The following PCGF5 variants were observed in gnomAD, a reference collection of about 807,000 sequenced individuals.
PCGF5 encodes polycomb group RING finger protein 5.
Under a neutral mutation model 44.3 loss-of-function variants are expected in PCGF5, and 9 were observed. The observed-to-expected ratio is 0.20, with a 90% CI of 0.12 to 0.35. The LOEUF is 0.35. Ranked by LOEUF, PCGF5 falls within the 10% of genes least tolerant of loss-of-function variation. The pLI is 1.00. For missense variants in PCGF5, 146 were observed against 305.3 expected, an observed-to-expected ratio of 0.48 and a Z score of 3.89; for synonymous variants, 95 against 102.5, an observed-to-expected ratio of 0.93 and a Z score of 0.44.
intron 1 of PCGF5, among the ~76,000 whole-genome samples, chr10:91,175,570 CT>C (rs1843691182): frequency 6.6e-6 from 1 of 152,088 alleles, no homozygotes; most frequent in South Asian, 2.1e-4. Flanking sequence ...TTGCAGTCAG[CT>C]TTTTGATGCT....
At chr10:91,194,768 C>A (rs1844097584) in intron 1 of PCGF5, among the ~76,000 whole-genome samples, 1 of 152,012 alleles carries the variant, frequency 6.6e-6, no homozygotes, top group African/African-American at 2.4e-5. Flanking sequence ...AGAAGAGGAT[C>A]AAGGTGGGGG....
intron 1 of PCGF5, among the ~76,000 whole-genome samples, chr10:91,185,163 C>T (rs576870827): frequency 6.6e-6 from 1 of 152,230 alleles, no homozygotes; most frequent in African/African-American, 2.4e-5. Flanking sequence ...TCTGGGAACT[C>T]TCTCCCAGGA....
At chr10:91,198,025 T>C (rs1844174518) in intron 1 of PCGF5, among the ~76,000 whole-genome samples, 1 of 152,212 alleles carries the variant, frequency 6.6e-6, no homozygotes, top group African/African-American at 2.4e-5. Flanking sequence ...AAAAAATACG[T>C]GCCCTCACAG....
At chr10:91,246,573 A>G (rs1845464112) in intron 3 of PCGF5, among the ~76,000 whole-genome samples, 1 of 152,176 alleles carries the variant, frequency 6.6e-6, no homozygotes, top group South Asian at 2.1e-4. Flanking sequence ...AAGATTGATT[A>G]TGAACATGTC....
At chr10:91,196,860 C>T (rs1012729320) in intron 1 of PCGF5, among the ~76,000 whole-genome samples, 4 of 152,126 alleles carry the variant, frequency 2.6e-5, no homozygotes, top group Admixed American at 2.0e-4. Context: ...CCAGTGAAAT[C>T]ACTTACTAGA....
chr10:91,187,775 T>C (rs1004895498), intron 1 of PCGF5, among the ~76,000 whole-genome samples: 7 of 152,162 alleles, frequency 4.6e-5, no homozygotes, highest in Non-Finnish European at 7.4e-5. Context: ...ACCTGAAAAA[T>C]GTCTGTGTAG....
At chr10:91,230,346 A>G (rs1487667926) in intron 2 of PCGF5, among the ~76,000 whole-genome samples, 1 of 152,200 alleles carries the variant, frequency 6.6e-6, no homozygotes, top group Non-Finnish European at 1.5e-5. Context: ...CAAGGGTTCA[A>G]TATAAGCATT....
At position 91,182,083 on chromosome 10, in the gene PCGF5, G is replaced by T. The variant is rs561240933; in HGVS notation, c.-184+19002G>T. Reference sequence around the variant, plus strand: ...GATTTTCTAGTTTATAAGCATAAAGGTGTTTATAATATTCGCTGATGGTTG... The same window carrying T: ...GATTTTCTAGTTTATAAGCATAAAGTTGTTTATAATATTCGCTGATGGTTG... On this transcript the variant is annotated intron_variant, in intron 1 of 9. Coordinates refer to the PCGF5 transcript ENST00000614189. Among the ~76,000 whole-genome samples the T allele has an allele frequency of 2.6e-5, 4 of 152,194 alleles. No homozygotes were observed. In the East Asian group the frequency reaches 7.7e-4, roughly 29 times the overall value.
intron 1 of PCGF5, among the ~76,000 whole-genome samples, chr10:91,182,626 T>G (rs894402399): frequency 1.3e-5 from 2 of 152,208 alleles, no homozygotes; most frequent in African/African-American, 4.8e-5. Flanking sequence ...TTCTTTTAGT[T>G]GTGATGTTAA....
chr10:91,158,157 A>G (rs1843342517), upstream of PCGF5, among the ~76,000 whole-genome samples: 1 of 152,218 alleles, frequency 6.6e-6, no homozygotes, highest in Non-Finnish European at 1.5e-5. Flanking sequence ...GTAACAATGA[A>G]AGTCAAGTAG....
chr10:91,197,096 G>T (rs748295805), intron 1 of PCGF5, among the ~76,000 whole-genome samples: 2 of 152,222 alleles, frequency 1.3e-5, no homozygotes, highest in Non-Finnish European at 2.9e-5. Context: ...GTCTAAAGCT[G>T]AGTGACAAAC....
chr10:91,170,115 G>T (rs867685812), intron 1 of PCGF5, among the ~76,000 whole-genome samples: 13 of 152,300 alleles, frequency 8.5e-5, no homozygotes, highest in African/African-American at 3.1e-4. Flanking sequence ...CTTCACCCGT[G>T]TCCCAAAAAT....
intron 3 of PCGF5, among the ~76,000 whole-genome samples, chr10:91,243,199 G>A (rs1447892514): frequency 6.6e-6 from 1 of 152,200 alleles, no homozygotes; most frequent in East Asian, 1.9e-4. Flanking sequence ...GACTAAGGAG[G>A]TTGTGGGGAG....
At chr10:91,165,703 A>G (rs1480615582) in intron 1 of PCGF5, among the ~76,000 whole-genome samples, 1 of 152,262 alleles carries the variant, frequency 6.6e-6, no homozygotes, top group Admixed American at 6.5e-5. Flanking sequence ...AGTACATAAA[A>G]GGAGTTATTT....
chr10:91,242,709 G>A (rs555457484), intron 3 of PCGF5, among the ~76,000 whole-genome samples: 53 of 151,914 alleles, frequency 3.5e-4, no homozygotes, highest in Non-Finnish European at 6.3e-4. Flanking sequence ...GTTTTATCTC[G>A]TTTGCTTTAT....
At chr10:91,175,457 A>C (rs957173136) in intron 1 of PCGF5, among the ~76,000 whole-genome samples, 1 of 152,156 alleles carries the variant, frequency 6.6e-6, no homozygotes, top group African/African-American at 2.4e-5. Context: ...GAGGTCCGAC[A>C]ATGAAAAAAA....
At chr10:91,161,300 CT>C (rs1189744835), upstream of PCGF5, among the ~76,000 whole-genome samples, 18 of 152,146 alleles carry the variant, frequency 1.2e-4, no homozygotes, top group Admixed American at 9.8e-4. Flanking sequence ...TTGCTATTGA[CT>C]CGCTTGGGAA....
chr10:91,200,481 G>A (rs1844231342), intron 1 of PCGF5, among the ~76,000 whole-genome samples: 1 of 152,204 alleles, frequency 6.6e-6, no homozygotes, highest in South Asian at 2.1e-4. Flanking sequence ...GATTTTATAA[G>A]CATTAATATC....
intron 1 of PCGF5, among the ~76,000 whole-genome samples, chr10:91,203,382 A>G (rs1001344124): frequency 6.6e-6 from 1 of 152,204 alleles, no homozygotes; most frequent in Non-Finnish European, 1.5e-5. Flanking sequence ...TCCAGATTCT[A>G]TGAAGTTAGA....
Sources: allele counts gnomAD v4.1 joint callset (sites outside exome capture counted in the v4.1 genomes callset), GRCh38; gene constraint gnomAD v4.1.1; transcripts MANE v1.5; gene names NCBI Gene and HGNC (gene_info 2026-07-23, HGNC 2026-07-21).